Variants in APBA1 observed in about 807,000 individuals in gnomAD.
The protein encoded by APBA1 is amyloid-beta A4 precursor protein-binding family A member 1.
Under a neutral mutation model 86.6 loss-of-function variants are expected in APBA1, and 55 were observed. That is an observed-to-expected ratio of 0.64 (90% CI 0.51 to 0.80). The LOEUF is 0.80. Ranked by LOEUF, APBA1 falls within the 30% of genes least tolerant of loss-of-function variation. The pLI is 0.00. For synonymous variants in APBA1, 511 were observed against 493.9 expected (o/e 1.03, Z -0.46); for missense variants, 1,090 against 1,183.0 (o/e 0.92, Z 1.15).
intron 2 of APBA1, among the ~76,000 whole-genome samples, chr9:69,486,052 A>T (rs990500846): frequency 7.2e-5 from 11 of 152,034 alleles, no homozygotes; most frequent in African/African-American, 2.7e-4. Context: ...CCTGGGTTCA[A>T]GTGATTCTCC....
chr9:69,586,240 A>G (rs1822017264), intron 1 of APBA1, among the ~76,000 whole-genome samples: 1 of 152,164 alleles, frequency 6.6e-6, no homozygotes, highest in African/African-American at 2.4e-5. Context: ...GTCCAGATTG[A>G]CTATTGGCAT....
intron 1 of APBA1, among the ~76,000 whole-genome samples, chr9:69,590,561 G>T (rs965094403): frequency 6.6e-6 from 1 of 152,174 alleles, no homozygotes; most frequent in Non-Finnish European, 1.5e-5. Context: ...ATTCACATGG[G>T]CTGGCTCTCG....
chr9:69,489,009 T>C (rs1588314937), intron 2 of APBA1, among the ~76,000 whole-genome samples: 2 of 152,218 alleles, frequency 1.3e-5, no homozygotes, highest in African/African-American at 2.4e-5. Context: ...GAACATTCCA[T>C]GCTGATGGAT....
At chr9:69,568,840 G>A in intron 1 of APBA1, among the ~76,000 whole-genome samples, 1 of 152,126 alleles carries the variant, frequency 6.6e-6, no homozygotes, top group East Asian at 1.9e-4. Flanking sequence ...AAATGATGTG[G>A]GGAAAAAGTT....
At chr9:69,450,421 C>T (rs530837927) in intron 9 of APBA1, among the ~76,000 whole-genome samples, 1 of 152,150 alleles carries the variant, frequency 6.6e-6, no homozygotes, top group South Asian at 2.1e-4. Flanking sequence ...ATGTTGGATA[C>T]TTGCACTCTG....
chr9:69,574,897 G>T (rs1173027462), intron 1 of APBA1, among the ~76,000 whole-genome samples: 1 of 152,118 alleles, frequency 6.6e-6, no homozygotes, highest in African/African-American at 2.4e-5. Flanking sequence ...TACTCTGAGT[G>T]TCCAGTGTAT....
intron 1 of APBA1, among the ~76,000 whole-genome samples, chr9:69,626,507 T>C (rs1326770784): frequency 6.6e-6 from 1 of 152,186 alleles, no homozygotes; most frequent in East Asian, 1.9e-4. Flanking sequence ...CACATACTCA[T>C]CGTGTGTATC....
intron 2 of APBA1, among the ~76,000 whole-genome samples, chr9:69,501,775 C>A (rs1353167411): frequency 6.6e-6 from 1 of 152,012 alleles, no homozygotes; most frequent in East Asian, 1.9e-4. Context: ...CTGCAGTGAG[C>A]TAGGATTGTA....
chr9:69,491,387 T>C (rs969278202), intron 2 of APBA1, among the ~76,000 whole-genome samples: 2 of 151,490 alleles, frequency 1.3e-5, no homozygotes, highest in Non-Finnish European at 2.9e-5. Context: ...TTCTCACTCA[T>C]AGGTGGGAAT....
chr9:69,454,078 G>A (rs538636199), intron 8 of APBA1, among the ~76,000 whole-genome samples: 11 of 152,202 alleles, frequency 7.2e-5, no homozygotes, highest in East Asian at 3.9e-4. Flanking sequence ...TCTCTAGAGC[G>A]GTGTTTTAAA....
chr9:69,463,608 A>T (rs1835227869), intron 5 of APBA1: 1 of 152,230 alleles, frequency 6.6e-6, no homozygotes, highest in South Asian at 2.1e-4. Context: ...CTTCAAGGTC[A>T]GCGTCTGTTC....
chr9:69,565,938 C>A (rs1481874039), intron 1 of APBA1, among the ~76,000 whole-genome samples: 2 of 152,248 alleles, frequency 1.3e-5, no homozygotes, highest in Admixed American at 1.3e-4. Flanking sequence ...GAGTGAGGAG[C>A]AAGCCCTGAC....
intron 1 of APBA1, among the ~76,000 whole-genome samples, chr9:69,628,785 T>G (rs1436060331): frequency 6.6e-6 from 1 of 152,048 alleles, no homozygotes; most frequent in Non-Finnish European, 1.5e-5. Flanking sequence ...TGAGAGACAA[T>G]CAATTTGTCT....
chr9:69,440,443 T>TGTTGGCAG (rs1834797659), intron 11 of APBA1, among the ~76,000 whole-genome samples: 1 of 151,238 alleles, frequency 6.6e-6, no homozygotes, highest in African/African-American at 2.5e-5. Context: ...CGTTCGAGCT[T>TGTTGGCAG]CCCCGCTGCT....
intron 1 of APBA1, among the ~76,000 whole-genome samples, chr9:69,604,634 G>A (rs1822430960): frequency 6.9e-6 from 1 of 145,932 alleles, no homozygotes; most frequent in Non-Finnish European, 1.5e-5. Flanking sequence ...AGGCACATGA[G>A]TGCGGGCACA....
chr9:69,431,877 A>T (rs1014817921), intron 12 of APBA1, among the ~76,000 whole-genome samples: 3 of 152,200 alleles, frequency 2.0e-5, no homozygotes, highest in African/African-American at 7.2e-5. Context: ...AGCAGTGATA[A>T]ATCAATGACA....
Position 69,452,259 on chromosome 9 carries a change from C to T in APBA1, c.1831G>A (p.Ala611Thr), listed in dbSNP as rs865880290. 1.2e-6 allele frequency: 2 copies of T among 1,614,242 alleles called. No homozygotes were observed. Among genetic ancestry groups the T allele is most frequent in the Non-Finnish European group, 8.5e-7 (1 of 1,180,046 alleles). Residue 611 changes from alanine to threonine, a missense_variant, in exon 9 of 13, where the codon GCA becomes ACA. Ala to Thr is a moderately conservative substitution (Grantham distance 58). This residue lies in a region of APBA1 where 97 missense variants were observed against 166.8 expected (regional missense o/e 0.58). Transcript: ENST00000265381. ...AQSIGQAFSV[A>T]YQEFLRANGI... ...TTGGCCCTGAGGAATTCCTGGTATGCCACGCTAAATGCCTGTCCGATGGAC... is the reference window on the plus strand; with the variant it reads ...TTGGCCCTGAGGAATTCCTGGTATGTCACGCTAAATGCCTGTCCGATGGAC...
At chr9:69,432,858 G>A (rs1274655820) in intron 11 of APBA1, among the ~76,000 whole-genome samples, 182 bp from the exon 12 acceptor site, 1 of 152,156 alleles carries the variant, frequency 6.6e-6, no homozygotes, top group Non-Finnish European at 1.5e-5. Flanking sequence ...CGGCCCACAT[G>A]GCCACCTTGT....
intron 12 of APBA1, 58 bp from the exon 13 acceptor site, chr9:69,431,456 C>T: frequency 1.0e-5 from 15 of 1,493,220 alleles, no homozygotes; most frequent in Non-Finnish European, 1.4e-5. Flanking sequence ...GCTGCGTGGG[C>T]ACTGCCCAGG....
Sources: allele counts gnomAD v4.1 joint callset (sites outside exome capture counted in the v4.1 genomes callset), GRCh38; gene constraint gnomAD v4.1.1; regional missense constraint gnomAD v4.1.1; transcripts MANE v1.5; gene names NCBI Gene and HGNC (gene_info 2026-07-23, HGNC 2026-07-21).